Variants in KCP observed in about 807,000 individuals in gnomAD.
KCP encodes the protein kielin cysteine rich BMP regulator, also known as kielin/chordin-like protein.
In KCP, 194 loss-of-function variants were observed where a neutral mutation model predicts 212.7. That is an observed-to-expected ratio of 0.91 (90% CI 0.81 to 1.03). The LOEUF is 1.03. Ranked by LOEUF, KCP falls within the 50% of genes least tolerant of loss-of-function variation. The pLI, the probability that KCP is intolerant of heterozygous loss-of-function variation, is 0.00. For missense variants in KCP, 2,080 were observed against 2,162.5 expected (o/e 0.96, Z 0.76); for synonymous variants, 833 against 865.3 (o/e 0.96, Z 0.65).
chr7:128,890,958 G>GGGCAGGGCAGCCGCT lies in KCP; in HGVS notation c.2096_2110dup (p.Gln699_Cys703dup). The GGGCAGGGCAGCCGCT allele has an allele frequency of 1.6e-6, 2 of 1,263,536 alleles. No individual in the cohort carries two copies. The highest frequency in any genetic ancestry group is 2.0e-6 in the Non-Finnish European group (2 of 1,010,096). 78.3% of individuals were successfully genotyped at this position (1,263,536 alleles called of 1,614,324 possible). On this transcript the variant is annotated inframe_insertion, in exon 20 of 40. Coordinates refer to ENST00000610776, the MANE Select transcript of KCP (RefSeq NM_001366122.1). ...GCGCGGGTGCGCGCAGGGCGCGGGCGGGCAGGGCAGCCGCTGGCAGGACAC... is the reference window on the plus strand; with the variant it reads ...GCGCGGGTGCGCGCAGGGCGCGGGCGGGCAGGGCAGCCGCTGGCAGGGCAGCCGCTGGCAGGACAC...
intron 1 of KCP, among the ~76,000 whole-genome samples, chr7:128,910,055 G>C (rs1291822752): frequency 6.6e-6 from 1 of 152,180 alleles, no homozygotes; most frequent in African/African-American, 2.4e-5. Flanking sequence ...GCAGGATATG[G>C]GAGCCCGGGA....
At position 128,886,558 on chromosome 7, in the gene KCP, CTGTAGGAGAT is replaced by C; in HGVS notation, c.2773-11_2773-2del. On this transcript the variant is annotated splice_acceptor_variant and splice_polypyrimidine_tract_variant and intron_variant, in intron 25 of 39. Transcript: ENST00000610776. LOFTEE classifies it high-confidence loss of function. The stretch of plus-strand genomic sequence containing the variant: ...GCCGCACACAGCTGACCTGGCCAGC[CTGTAGGAGAT>C]GCAGGGACACTGGCTCGCTGCCTAG... The C allele has an allele frequency of 6.4e-7, 1 of 1,551,258 alleles. No homozygotes were observed. Among genetic ancestry groups the C allele is most frequent in the Non-Finnish European group, 8.7e-7 (1 of 1,146,804 alleles).
chr7:128,907,521 G>T, intron 2 of KCP, 68 bp from the exon 3 acceptor site: 1 of 1,152,350 alleles, frequency 8.7e-7, no homozygotes, highest in Non-Finnish European at 1.1e-6. Flanking sequence ...AGAGATGAGG[G>T]GTGTGAAAAT....
At chr7:128,884,518 C>T (rs1038390142) in intron 28 of KCP, among the ~76,000 whole-genome samples, 2 of 152,318 alleles carry the variant, frequency 1.3e-5, no homozygotes, top group South Asian at 4.1e-4. Flanking sequence ...GGTGGCTCTC[C>T]GGCCATACAC....
chr7:128,893,438 TCTC>T lies in KCP; in HGVS notation c.1135_1137del (p.Glu379del), dbSNP rs1193189097. On this transcript the variant is annotated inframe_deletion, in exon 12 of 40. Coordinates refer to ENST00000610776, the MANE Select transcript of KCP (RefSeq NM_001366122.1). The stretch of plus-strand genomic sequence containing the variant: ...AGGCCCCGCTCTTGGAGTCTGAAGG[TCTC>T]CTGGCTCTGATACTGGTGTCCCTGG... 8 of 1,551,372 alleles carry T rather than the reference TCTC, an allele frequency of 5.2e-6. No individual in the cohort carries two copies. Among genetic ancestry groups the T allele is most frequent in the Non-Finnish European group, 7.0e-6 (8 of 1,146,902 alleles).
At chr7:128,893,497 G>T (rs373584216) in intron 11 of KCP, 21 bp from the exon 12 acceptor site, 4 of 1,510,092 alleles carry the variant, frequency 2.6e-6, no homozygotes, top group South Asian at 2.4e-5. Context: ...TGACAGGGGC[G>T]TGGGGGTATA....
At chr7:128,880,176 T>C in intron 34 of KCP, 91 bp from the exon 35 acceptor site, 1 of 1,334,508 alleles carries the variant, frequency 7.5e-7, no homozygotes, top group South Asian at 1.5e-5. Flanking sequence ...CTCCCAGGAG[T>C]CTCCAGGGAT....
Position 128,888,856 on chromosome 7 carries a change from G to T in KCP, c.2512+7C>A. Reference sequence around the variant, plus strand: ...CAGGGGGAATGGAAGGGCAGGTGTGGCTCTACCCTGGCAGGTCGGGCAGCA... The same window carrying T: ...CAGGGGGAATGGAAGGGCAGGTGTGTCTCTACCCTGGCAGGTCGGGCAGCA... On this transcript the variant is annotated splice_region_variant and intron_variant, in intron 22 of 39. Transcript: ENST00000610776. The T allele has an allele frequency of 6.5e-7, 1 of 1,547,566 alleles. No individual in the cohort carries two copies. Among genetic ancestry groups the T allele is most frequent in the Non-Finnish European group, 8.7e-7 (1 of 1,146,250 alleles).
Position 128,894,009 on chromosome 7 carries a change from GC to G in KCP, c.971del (p.Gly324AlafsTer190), listed in dbSNP as rs1428425423. The G allele has an allele frequency of 7.7e-5, 119 of 1,550,126 alleles. 1 individual carries two copies. The East Asian group carries it at 2.9e-3, about 37-fold the overall frequency. On this transcript the variant is annotated frameshift_variant, in exon 10 of 40. Coordinates refer to ENST00000610776, the MANE Select transcript of KCP (RefSeq NM_001366122.1). LOFTEE classifies it high-confidence loss of function. ...GREHRSGEPV[G>X]SGDPCSHCRC... ...GGCAGTGCGAGCAGGGGTCCCCTGA[GC>G]CCACAGGCTCCCCGCTGCGGTGCTC... is the stretch of plus-strand genomic sequence containing the variant.
chr7:128,884,197 C>T, intron 28 of KCP, 75 bp from the exon 29 acceptor site: 1 of 1,483,288 alleles, frequency 6.7e-7, no homozygotes, highest in Non-Finnish European at 8.9e-7. Flanking sequence ...GACTTCCGGC[C>T]CCTCCCTCTG....
chr7:128,880,344 C>T (rs777254951), intron 34 of KCP, 42 bp downstream of exon 34: 12 of 1,481,914 alleles, frequency 8.1e-6, no homozygotes, highest in Non-Finnish European at 9.9e-6. Context: ...ACCATGTGCC[C>T]CCACCCTGAC....
intron 8 of KCP, among the ~76,000 whole-genome samples, chr7:128,900,767 ATAGT>A (rs1485666768): frequency 6.6e-6 from 1 of 152,234 alleles, no homozygotes; most frequent in Non-Finnish European, 1.5e-5. Flanking sequence ...AGAGACCCTA[ATAGT>A]TAGGCAGGAA....
At chr7:128,905,743 C>T (rs1041479107) in intron 5 of KCP, among the ~76,000 whole-genome samples, 3 of 152,132 alleles carry the variant, frequency 2.0e-5, no homozygotes, top group African/African-American at 7.2e-5. Flanking sequence ...TCCCACTGGC[C>T]TTCCCACATG....
chr7:128,892,519 C>T lies in KCP; in HGVS notation c.1616G>A (p.Cys539Tyr), dbSNP rs765716872. 3.9e-5 allele frequency: 59 copies of T among 1,525,574 alleles called. No homozygotes were observed. In the Admixed American group the frequency reaches 4.6e-4, roughly 12 times the overall value. 94.5% of individuals were successfully genotyped at this position (1,525,574 alleles called of 1,614,324 possible). A position where few individuals can be genotyped will look rare whatever the true frequency, so the allele number is the denominator to read the frequency against. The stretch of plus-strand genomic sequence containing the variant: ...CCCAGTGAGTGCCCACATACCTGGG[C>T]ACCTGGGGCAACACTGGCCTGGTCC... ...QSGPGQCCPR[C>Y]PDCILEEEVF... Residue 539 changes from cysteine (C) to tyrosine (Y), a missense_variant, in exon 16 of 40, where the codon TGC (cysteine) becomes TAC (tyrosine). Cys to Tyr is a radical substitution (Grantham distance 194). Coordinates refer to ENST00000610776, the MANE Select transcript of KCP (RefSeq NM_001366122.1).
Position 128,890,112 on chromosome 7 carries a change from ATCTC to A in KCP, c.2335+227_2335+230del, listed in dbSNP as rs1793995831. The A allele has an allele frequency of 1.4e-5, 9 of 645,576 alleles. 1 individual carries two copies. In the South Asian group the frequency reaches 1.8e-4, roughly 13 times the overall value. 40.0% of individuals were successfully genotyped at this position (645,576 alleles called of 1,614,324 possible). A position where few individuals can be genotyped will look rare whatever the true frequency, so the allele number is the denominator to read the frequency against. ...TTTAAATTTTTTGTGTAGAGACAAGATCTCTCTATGTTGCCCAGGCTGGTCTTGA... is the reference window on the plus strand; with the variant it reads ...TTTAAATTTTTTGTGTAGAGACAAGATCTATGTTGCCCAGGCTGGTCTTGA... On this transcript the variant is annotated intron_variant, in intron 21 of 39. Transcript: ENST00000610776.
intron 2 of KCP, among the ~76,000 whole-genome samples, chr7:128,908,205 A>G (rs939251556): frequency 6.8e-6 from 1 of 146,378 alleles, no homozygotes; most frequent in Non-Finnish European, 1.5e-5. Context: ...AAGAAAGAAA[A>G]AAAAAGAAAG....
At chr7:128,881,501 C>G in intron 31 of KCP, 125 bp downstream of exon 31, 1 of 598,928 alleles carries the variant, frequency 1.7e-6, no homozygotes, top group South Asian at 2.7e-5. Flanking sequence ...AAAGAATGAA[C>G]CCTGCATTCT....
intron 5 of KCP, among the ~76,000 whole-genome samples, chr7:128,905,808 C>T (rs888753878): frequency 3.3e-5 from 5 of 152,030 alleles, no homozygotes; most frequent in African/African-American, 9.7e-5. Context: ...AGGAACCTCA[C>T]GTACTCCCTC....
At chr7:128,904,306 C>A in intron 5 of KCP, 168 bp from the exon 6 acceptor site, 1 of 1,552,484 alleles carries the variant, frequency 6.4e-7, no homozygotes, top group South Asian at 1.2e-5. Flanking sequence ...TGGGGCAGCA[C>A]TCCCCAGGTG....
Sources: allele counts gnomAD v4.1 joint callset (sites outside exome capture counted in the v4.1 genomes callset), GRCh38; gene constraint gnomAD v4.1.1; transcripts MANE v1.5; gene names NCBI Gene and HGNC (gene_info 2026-07-23, HGNC 2026-07-21).